SLC34A2: variants seen among roughly 807,000 people sequenced by gnomAD.
SLC34A2 encodes solute carrier family 34 member 2, also known as sodium-dependent phosphate transport protein 2B.
In SLC34A2, 41 loss-of-function variants were observed where a neutral mutation model predicts 50.8. That is an observed-to-expected ratio of 0.81 (90% CI 0.63 to 1.05). The LOEUF (loss-of-function observed/expected upper bound fraction) is 1.05. Among genes scored for constraint, SLC34A2 ranks in the 50% least tolerant of loss-of-function variants. The pLI is 0.00. For missense variants in SLC34A2, 879 were observed against 876.7 expected (o/e 1.00, Z -0.03); for synonymous variants, 401 against 364.2 (o/e 1.10, Z -1.15).
rs779979253 is a variant in SLC34A2, at chr4:25,674,680, G to T, written c.1458+51G>T. ...GGGCCCTGGGAGTGGGACCACCCAT[G>T]GTCTTGCAAACTGGTCTCTAACAAG... On this transcript the variant is annotated intron_variant, in intron 12 of 12. Coordinates refer to ENST00000382051, the MANE Select transcript of SLC34A2 (RefSeq NM_006424.3). 3 of 1,609,862 alleles carry T rather than the reference G, an allele frequency of 1.9e-6. No homozygotes were observed. In the South Asian group the frequency reaches 3.3e-5, roughly 18 times the overall value.
intron 3 of SLC34A2, among the ~76,000 whole-genome samples, chr4:25,663,142 G>A (rs1281844550): frequency 1.3e-5 from 2 of 152,168 alleles, no homozygotes; most frequent in East Asian, 3.9e-4. Flanking sequence ...TTTTAATAGA[G>A]ATGGGGTTTC....
At chr4:25,662,913 TCC>T (rs1714287429) in intron 3 of SLC34A2, 71 bp downstream of exon 3, 2 of 1,553,494 alleles carry the variant, frequency 1.3e-6, no homozygotes, top group Non-Finnish European at 1.8e-6. Flanking sequence ...CATCCTCCTG[TCC>T]CTCCCCCTTT....
At chr4:25,663,898 T>A (rs1386315906) in intron 3 of SLC34A2, among the ~76,000 whole-genome samples, 1 of 152,204 alleles carries the variant, frequency 6.6e-6, no homozygotes, top group African/African-American at 2.4e-5. Context: ...GTGGCTCAGC[T>A]GAGCATGGAG....
At chr4:25,674,170 A>G (rs1714974728) in intron 10 of SLC34A2, 126 bp from the exon 11 acceptor site, 1 of 735,088 alleles carries the variant, frequency 1.4e-6, no homozygotes, top group African/African-American at 1.7e-5. Flanking sequence ...CTAAAACTCT[A>G]CTCTGTAATC....
rs765114627 is a variant in SLC34A2, at chr4:25,676,510, G to A, written c.1834G>A (p.Gly612Ser). Residue 612 changes from glycine to serine, a missense_variant, in exon 13 of 13, where the codon GGC becomes AGC. By Grantham distance (56) the Gly-to-Ser change is moderately conservative. Coordinates refer to ENST00000382051, the MANE Select transcript of SLC34A2 (RefSeq NM_006424.3). ...GGATGCCGTCGTCTCCAAGTTCACC[G>A]GCTGCTTCCAGATGCGCTGCTGCTG... Reference protein sequence around the residue: ...PWDAVVSKFTGCFQMRCCCCC... With the variant: ...PWDAVVSKFTSCFQMRCCCCC... 6.8e-6 allele frequency: 11 copies of A among 1,614,100 alleles called. No homozygotes were observed. The highest frequency in any genetic ancestry group is 1.6e-4 in the Middle Eastern group (1 of 6,062).
chr4:25,673,071 C>A lies in SLC34A2; in HGVS notation c.1049-16C>A. 1 of 1,614,080 alleles carries A rather than the reference C, an allele frequency of 6.2e-7. No homozygotes were observed. Among genetic ancestry groups the A allele is most frequent in the Non-Finnish European group, 8.5e-7 (1 of 1,179,972 alleles). On this transcript the variant is annotated splice_polypyrimidine_tract_variant and intron_variant, in intron 9 of 12. Transcript: ENST00000382051. ...GGCTCCATGCCCTCCTGACAAGATT[C>A]TTTGTGGTCTTTCAGGCCAGCATAT...
rs184530589 is a variant in SLC34A2 at position 25,673,309 on chromosome 4, G to A, written c.1216+55G>A. The A allele has an allele frequency of 1.7e-3, 2,476 of 1,447,128 alleles. 31 individuals are homozygous for A. In the African/African-American group the frequency reaches 0.032, roughly 19 times the overall value. The allele number at this position is 1,447,128 out of a possible 1,614,324, so 89.6% of individuals were successfully genotyped here. On this transcript the variant is annotated intron_variant, in intron 10 of 12. Coordinates refer to ENST00000382051, the MANE Select transcript of SLC34A2 (RefSeq NM_006424.3). ...CACATGTAGTCACTGCATGGGGTGT[G>A]GGGGTCCTTTAGATTCCCATCTAGC...
At chr4:25,661,922 G>T (rs1338963330) in intron 1 of SLC34A2, among the ~76,000 whole-genome samples, 2 of 150,936 alleles carry the variant, frequency 1.3e-5, no homozygotes, top group Admixed American at 1.3e-4. Context: ...ACCCAGGCTG[G>T]AGTGCAATGG....
At chr4:25,675,177 A>C (rs999070830) in intron 12 of SLC34A2, among the ~76,000 whole-genome samples, 4 of 152,158 alleles carry the variant, frequency 2.6e-5, no homozygotes, top group African/African-American at 9.7e-5. Context: ...GATTACAGGC[A>C]CCTGCCACCA....
intron 1 of SLC34A2, among the ~76,000 whole-genome samples, chr4:25,656,834 GC>G (rs1713907283): frequency 6.6e-6 from 1 of 152,140 alleles, no homozygotes; most frequent in African/African-American, 2.4e-5. Flanking sequence ...CTGTTTGGGT[GC>G]CCCAGGGGGT....
In SLC34A2 at chr4:25,662,748, G is replaced by T. The variant is rs568271536; in HGVS notation, c.156G>T (p.Pro52=). 3 of 1,613,962 alleles carry T rather than the reference G, an allele frequency of 1.9e-6. No homozygotes were observed. Among genetic ancestry groups the T allele is most frequent in the Non-Finnish European group, 2.5e-6 (3 of 1,179,984 alleles). The change falls in exon 3 of 13, where the codon CCG becomes CCT. Residue 52 remains proline, a synonymous_variant. Coordinates refer to ENST00000382051, the MANE Select transcript of SLC34A2 (RefSeq NM_006424.3). ...CTGTAACCAAGATTGAACTTCTGCC[G>T]TCCTACTCCACGGCTACACTGATAG... ...EAPVTKIELL[P]SYSTATLIDE...
intron 10 of SLC34A2, among the ~76,000 whole-genome samples, chr4:25,673,894 T>A (rs893091988): frequency 6.6e-6 from 1 of 152,148 alleles, no homozygotes; most frequent in Non-Finnish European, 1.5e-5. Context: ...TTGGCAGGCA[T>A]GTTCCAAGCT....
Position 25,676,555 on chromosome 4 carries a change from C to A in SLC34A2, c.1879C>A (p.Arg627Ser), listed in dbSNP as rs377357118. 6.2e-7 allele frequency: 1 copy of A among 1,612,516 alleles called. No individual in the cohort carries two copies. ...RCCCCCRVCC[R>S]ACCLLCDCPK... ...CTGCTGCTGCTGCCGCGTGTGCTGC[C>A]GCGCGTGCTGCTTGCTGTGTGACTG... Residue 627 changes from arginine (R) to serine (S), a missense_variant, in exon 13 of 13, where the codon CGC becomes AGC. Coordinates refer to ENST00000382051, the MANE Select transcript of SLC34A2 (RefSeq NM_006424.3).
intron 9 of SLC34A2, 114 bp downstream of exon 9, chr4:25,671,835 C>T: frequency 7.1e-7 from 1 of 1,414,100 alleles, no homozygotes; most frequent in Non-Finnish European, 1.0e-6. Flanking sequence ...CACCAAGCAC[C>T]TGCCCTACAT....
rs574885723 is a variant in SLC34A2, at chr4:25,672,541, C to T, written c.1049-546C>T. 8.5e-5 allele frequency among the ~76,000 whole-genome samples: 13 copies of T among 152,256 alleles called. No individual in the cohort carries two copies. The East Asian group carries it at 2.5e-3, about 29-fold the overall frequency. On this transcript the variant is annotated intron_variant, in intron 9 of 12. Coordinates refer to ENST00000382051, the MANE Select transcript of SLC34A2 (RefSeq NM_006424.3). ...GTATATCTCTGCTTCTCTCTTCTCA[C>T]CCTCCCACCACATTAATTCTGAGCA...
intron 4 of SLC34A2, 86 bp from the exon 5 acceptor site, chr4:25,666,042 G>T (rs1308419992): frequency 6.4e-7 from 1 of 1,562,476 alleles, no homozygotes; most frequent in Non-Finnish European, 8.7e-7. Context: ...GCTGGCCTTG[G>T]ATGGAGACTT....
rs887960832 is a variant in SLC34A2, at chr4:25,673,340, C to T, written c.1216+86C>T. Reference sequence around the variant, plus strand: ...CCTTTAGATTCCCATCTAGCAATGGCCTCTGCATGGAGTTTCTCTCTCAGA... The same window carrying T: ...CCTTTAGATTCCCATCTAGCAATGGTCTCTGCATGGAGTTTCTCTCTCAGA... On this transcript the variant is annotated intron_variant, in intron 10 of 12. Coordinates refer to ENST00000382051, the MANE Select transcript of SLC34A2 (RefSeq NM_006424.3). 2.3e-5 allele frequency: 29 copies of T among 1,243,308 alleles called. No individual in the cohort carries two copies. In the East Asian group the frequency reaches 5.6e-4, roughly 24 times the overall value. 77.0% of individuals were successfully genotyped at this position (1,243,308 alleles called of 1,614,324 possible). A position where few individuals can be genotyped will look rare whatever the true frequency, so the allele number is the denominator to read the frequency against.
intron 7 of SLC34A2, among the ~76,000 whole-genome samples, chr4:25,670,130 G>T (rs934396359): frequency 5.3e-5 from 8 of 152,220 alleles, no homozygotes; most frequent in African/African-American, 1.7e-4. Context: ...GCTGAGAAAG[G>T]AGGATCGCTT....
At chr4:25,658,870 G>T (rs1464924307) in intron 1 of SLC34A2, among the ~76,000 whole-genome samples, 1 of 151,726 alleles carries the variant, frequency 6.6e-6, no homozygotes, top group Non-Finnish European at 1.5e-5. Flanking sequence ...GAGCTCCAGG[G>T]TACATTCTCT....
Sources: allele counts gnomAD v4.1 joint callset (sites outside exome capture counted in the v4.1 genomes callset), GRCh38; gene constraint gnomAD v4.1.1; transcripts MANE v1.5; gene names NCBI Gene and HGNC (gene_info 2026-07-23, HGNC 2026-07-21).